VPS37A: variants seen among roughly 807,000 people sequenced by gnomAD.
VPS37A encodes the protein vacuolar protein sorting-associated protein 37A.
VPS37A carries 30 observed loss-of-function variants against 49.8 expected under a neutral mutation model. That is an observed-to-expected ratio of 0.60 (90% CI 0.45 to 0.82). VPS37A has a LOEUF of 0.82. Ranked by LOEUF, VPS37A falls within the 40% of genes least tolerant of loss-of-function variation. The probability of loss-of-function intolerance (pLI) is 0.00; values close to 1 mark genes in which losing one functional copy is unlikely to be tolerated. For synonymous variants in VPS37A, 195 were observed against 160.6 expected (o/e 1.21, Z -1.62); for missense variants, 593 against 464.4 (o/e 1.28, Z -2.55).
intron 11 of VPS37A, among the ~76,000 whole-genome samples, chr8:17,288,693 G>A (rs145515302): frequency 1.3e-5 from 2 of 152,244 alleles, no homozygotes; most frequent in African/African-American, 4.8e-5. Context: ...GTGTGCATGC[G>A]CCTTTATAGG....
chr8:17,257,978 A>G (rs1330497153), intron 1 of VPS37A, among the ~76,000 whole-genome samples: 1 of 152,038 alleles, frequency 6.6e-6, no homozygotes, highest in Non-Finnish European at 1.5e-5. Context: ...TTGTATGTTA[A>G]TTTTGTATCC....
In VPS37A at chr8:17,296,170, T is replaced by A. The variant is rs1331083500; in HGVS notation, c.*1184T>A. On this transcript the variant is annotated 3_prime_UTR_variant, in exon 12 of 12. Transcript: ENST00000324849. ...TTTTTATATTTTTTAGTTCTTCCTG[T>A]ACATGTTTTTGGCAATAAAGTTATA... The A allele has an allele frequency of 6.6e-6, 1 of 152,258 alleles. No individual in the cohort carries two copies. Among genetic ancestry groups the A allele is most frequent in the East Asian group, 1.9e-4 (1 of 5,198 alleles). The allele number at this position is 152,258 out of a possible 1,614,324, so 9.4% of individuals were successfully genotyped here.
At chr8:17,306,402 T>C (rs571772493), downstream of VPS37A, among the ~76,000 whole-genome samples, 3 of 151,578 alleles carry the variant, frequency 2.0e-5, no homozygotes, top group South Asian at 4.2e-4. Flanking sequence ...AAAAAAAAAA[T>C]AGTGGTTTCC....
downstream of VPS37A, chr8:17,300,130 T>C: frequency 6.2e-7 from 1 of 1,614,160 alleles, no homozygotes; most frequent in Non-Finnish European, 8.5e-7. Context: ...TATGCTGTTG[T>C]CTGAGGTAGA....
At chr8:17,304,509 T>G (rs575439089), downstream of VPS37A, 1 of 1,613,216 alleles carries the variant, frequency 6.2e-7, no homozygotes, top group South Asian at 1.1e-5. Flanking sequence ...GAGTATGTTC[T>G]TTCTTGAATC....
At chr8:17,318,808 C>T in the VPS37A span, among the ~76,000 whole-genome samples, 1 of 152,200 alleles carries the variant, frequency 6.6e-6, no homozygotes, top group Non-Finnish European at 1.5e-5. Flanking sequence ...GGACAGCTGA[C>T]ACAGGAGAAG....
At chr8:17,310,144 G>A in the VPS37A span, among the ~76,000 whole-genome samples, 1 of 151,786 alleles carries the variant, frequency 6.6e-6, no homozygotes, top group Non-Finnish European at 1.5e-5. Context: ...ACCACAGGTG[G>A]GCTCCACCAC....
chr8:17,301,122 A>C (rs935278646), downstream of VPS37A, among the ~76,000 whole-genome samples: 1 of 152,258 alleles, frequency 6.6e-6, no homozygotes, highest in Non-Finnish European at 1.5e-5. Context: ...GTATTCATTC[A>C]AAACCATTCA....
chr8:17,268,984 G>A (rs1467240423), intron 4 of VPS37A, 28 bp downstream of exon 4: 2 of 1,474,434 alleles, frequency 1.4e-6, no homozygotes, highest in Non-Finnish European at 1.8e-6. Context: ...AAATAAAAAA[G>A]TCTGCCTGTA....
intron 1 of VPS37A, among the ~76,000 whole-genome samples, chr8:17,255,193 G>A (rs1288621811): frequency 1.3e-5 from 2 of 152,150 alleles, no homozygotes; most frequent in Non-Finnish European, 2.9e-5. Context: ...TAAACTAAGT[G>A]GGCTGGCTGC....
At chr8:17,308,593 T>C in the VPS37A span, among the ~76,000 whole-genome samples, 1 of 152,176 alleles carries the variant, frequency 6.6e-6, no homozygotes, top group Non-Finnish European at 1.5e-5. Flanking sequence ...TTAAATTTTA[T>C]CACCAAAGAC....
At chr8:17,294,115 C>T (rs1408252378) in intron 11 of VPS37A, among the ~76,000 whole-genome samples, 2 of 152,234 alleles carry the variant, frequency 1.3e-5, no homozygotes, top group Admixed American at 6.5e-5. Flanking sequence ...AAGCCCCTGA[C>T]TGGGGCCTCT....
At chr8:17,311,453 A>C in the VPS37A span, 1 of 1,604,748 alleles carries the variant, frequency 6.2e-7, no homozygotes, top group Non-Finnish European at 8.5e-7. Context: ...TTGTAAAAAC[A>C]GGGGTCCATT....
At chr8:17,251,818 G>A (rs1450146855) in intron 1 of VPS37A, among the ~76,000 whole-genome samples, 1 of 152,096 alleles carries the variant, frequency 6.6e-6, no homozygotes, top group African/African-American at 2.4e-5. Context: ...GCCAGTCTGC[G>A]GATTCCGTTG....
At chr8:17,302,706 C>CA (rs1817199114), downstream of VPS37A, among the ~76,000 whole-genome samples, 1 of 47,900 alleles carries the variant, frequency 2.1e-5, no homozygotes, top group Non-Finnish European at 6.9e-5. Flanking sequence ...GGCAATAACC[C>CA]CCCCCCCCCC....
intron 4 of VPS37A, 30 bp downstream of exon 4, chr8:17,268,986 C>G (rs534226862): frequency 2.0e-6 from 3 of 1,464,728 alleles, no homozygotes; most frequent in African/African-American, 1.4e-5. Flanking sequence ...ATAAAAAAGT[C>G]TGCCTGTATT....
downstream of VPS37A, among the ~76,000 whole-genome samples, chr8:17,303,531 A>T (rs192358103): frequency 2.6e-5 from 4 of 152,234 alleles, no homozygotes; most frequent in South Asian, 4.2e-4. Flanking sequence ...CCAAAGGAAA[A>T]AACATACGTA....
At chr8:17,315,868 C>A in the VPS37A span, among the ~76,000 whole-genome samples, 3 of 152,000 alleles carry the variant, frequency 2.0e-5, no homozygotes, top group African/African-American at 4.8e-5. Context: ...AAAAAATGAG[C>A]GAGACTGAGT....
At chr8:17,269,729 T>C (rs1245336405) in intron 4 of VPS37A, among the ~76,000 whole-genome samples, 2 of 152,208 alleles carry the variant, frequency 1.3e-5, no homozygotes, top group East Asian at 3.9e-4. Flanking sequence ...TGTATTGGAT[T>C]CTCCATTTCT....
Sources: allele counts gnomAD v4.1 joint callset (sites outside exome capture counted in the v4.1 genomes callset), GRCh38; gene constraint gnomAD v4.1.1; transcripts MANE v1.5; gene names NCBI Gene and HGNC (gene_info 2026-07-23, HGNC 2026-07-21).